MASP1: variants seen among roughly 807,000 people sequenced by gnomAD.
MASP1 encodes the protein mannan-binding lectin serine protease 1.
In MASP1, 59 loss-of-function variants were observed where a neutral mutation model predicts 77.1. The ratio of observed to expected loss-of-function variants is 0.77; its 90% CI spans 0.62 to 0.95. The LOEUF (loss-of-function observed/expected upper bound fraction) is 0.95, where lower values mean the gene tolerates loss of function less well. Among genes scored for constraint, MASP1 ranks in the 40% least tolerant of loss-of-function variants. The probability of loss-of-function intolerance (pLI) is 0.00; values close to 1 mark genes in which losing one functional copy is unlikely to be tolerated. For synonymous variants in MASP1, 362 were observed against 354.5 expected, an observed-to-expected ratio of 1.02 and a Z score of -0.24; for missense variants, 885 against 912.9, an observed-to-expected ratio of 0.97 and a Z score of 0.39.
chr3:187,291,662 G>C lies in MASP1; in HGVS notation c.-30C>G. The C allele has an allele frequency of 6.2e-7, 1 of 1,614,152 alleles. No individual in the cohort carries two copies. The highest frequency in any genetic ancestry group is 1.1e-5 in the South Asian group (1 of 91,086). On this transcript the variant is annotated 5_prime_UTR_variant, in exon 1 of 11. Coordinates refer to ENST00000296280, the MANE Select transcript of MASP1 (RefSeq NM_139125.4). The stretch of plus-strand genomic sequence containing the variant: ...CTGCCTTGGGTGCTCCCGGCTGCCC[G>C]GCCTTGGTCCTCCCAGCTTGACTTG...
At chr3:187,220,377 T>C (rs1426250533) in intron 15 of MASP1, 1 of 893,744 alleles carries the variant, frequency 1.1e-6, no homozygotes, top group Non-Finnish European at 1.7e-6. Flanking sequence ...TAGCAGACCG[T>C]TGGACCCAAA....
Position 187,221,806 on chromosome 3 carries a change from A to G in MASP1, c.1810-672T>C, listed in dbSNP as rs568064219. Among the ~76,000 whole-genome samples the G allele has an allele frequency of 3.3e-5, 5 of 152,322 alleles. No homozygotes were observed. The East Asian group carries it at 9.6e-4, about 29-fold the overall frequency. On this transcript the variant is annotated intron_variant, in intron 14 of 15. Coordinates refer to the MASP1 transcript ENST00000337774. ...TCTTACATTGCTTGGAGCTTAGTAG[A>G]TACCCAGAAAATATATATATTTTTT...
Position 187,241,582 on chromosome 3 carries a change from G to A in MASP1, c.1229-27C>T, listed in dbSNP as rs750009757. The stretch of plus-strand genomic sequence containing the variant: ...TGGATTAGTGAAAGAGGTTAGGAGA[G>A]GAGGGAGAAAATGGTTGATTTGTAA... On this transcript the variant is annotated intron_variant, in intron 9 of 10. Transcript: ENST00000296280. 7.4e-6 allele frequency: 11 copies of A among 1,484,700 alleles called. No individual in the cohort carries two copies. The African/African-American group carries it at 1.2e-4, about 17-fold the overall frequency. 92.0% of individuals were successfully genotyped at this position (1,484,700 alleles called of 1,614,324 possible). A position where few individuals can be genotyped will look rare whatever the true frequency, so the allele number is the denominator to read the frequency against.
chr3:187,256,379 G>A (rs977969507), intron 5 of MASP1, among the ~76,000 whole-genome samples: 6 of 152,206 alleles, frequency 3.9e-5, no homozygotes, highest in Admixed American at 6.5e-5. Context: ...CATGGGAGGC[G>A]TGCTCATGAG....
chr3:187,251,445 T>C (rs546162037), intron 7 of MASP1, 189 bp downstream of exon 7: 49 of 584,732 alleles, frequency 8.4e-5, no homozygotes, highest in Non-Finnish European at 1.1e-4. Context: ...TTTGTGCCAC[T>C]TTCAGAGTGT....
chr3:187,224,430 T>C (rs1712268221), intron 13 of MASP1, among the ~76,000 whole-genome samples: 1 of 142,884 alleles, frequency 7.0e-6, no homozygotes, highest in Admixed American at 7.2e-5. Context: ...CACTGCAAGC[T>C]CCGCCTCCCG....
chr3:187,224,328 C>A (rs77108436), intron 13 of MASP1, among the ~76,000 whole-genome samples: 4,488 of 151,096 alleles, frequency 0.03, 164 homozygotes, highest in East Asian at 0.12. Context: ...GGTGTTTGAG[C>A]CTGTGCTGAG....
chr3:187,240,316 C>A (rs1447436196), intron 10 of MASP1, among the ~76,000 whole-genome samples: 1 of 152,108 alleles, frequency 6.6e-6, no homozygotes, highest in Non-Finnish European at 1.5e-5. Context: ...CCAACACTCT[C>A]ATTCAGCAAA....
intron 4 of MASP1, 141 bp downstream of exon 4, chr3:187,260,600 C>A: frequency 8.5e-7 from 1 of 1,174,290 alleles, no homozygotes; most frequent in South Asian, 1.3e-5. Context: ...TCTGCATCTT[C>A]ATCCATGTGG....
intron 14 of MASP1, among the ~76,000 whole-genome samples, chr3:187,222,680 G>GT (rs60117293): frequency 0.037 from 5,230 of 139,880 alleles, 193 homozygotes; most frequent in African/African-American, 0.11. Flanking sequence ...TTAGTTAAGT[G>GT]TTTTTTTTTT....
intron 2 of MASP1, among the ~76,000 whole-genome samples, chr3:187,272,809 T>C (rs1364543625): frequency 6.6e-6 from 1 of 152,192 alleles, no homozygotes; most frequent in Non-Finnish European, 1.5e-5. Context: ...GAGAACAAAT[T>C]TCTGTTGTTA....
chr3:187,220,400 G>A, intron 15 of MASP1: 1 of 692,332 alleles, frequency 1.4e-6, no homozygotes, highest in South Asian at 1.8e-5. Flanking sequence ...TCAGCTCTGG[G>A]CAGTTCTAGG....
rs377265658 is a variant in MASP1 at position 187,236,100 on chromosome 3, C to G, written c.1771G>C (p.Ala591Pro). Residue 591 changes from alanine (A) to proline (P), a missense_variant, in exon 11 of 11, where the codon GCC becomes CCC. Transcript: ENST00000296280. ...GPAPHMLGLV[A>P]GWGISNPNVT... ...TTGGGATTGGAGATGCCCCAGCCGG[C>G]CACCAGGCCCAGCATGTGGGGGGCC... 4.3e-6 allele frequency: 7 copies of G among 1,613,864 alleles called. No individual in the cohort carries two copies. The highest frequency in any genetic ancestry group is 1.3e-5 in the African/African-American group (1 of 74,940).
At chr3:187,285,196 ATTGTTTTGATG>A (rs1717753013) in intron 2 of MASP1, among the ~76,000 whole-genome samples, 1 of 151,594 alleles carries the variant, frequency 6.6e-6, no homozygotes, top group Non-Finnish European at 1.5e-5. Context: ...TCCAGGGTAT[ATTGTTTTGATG>A]TGGTCCTGCT....
chr3:187,219,073 T>A (rs1711890575), exon 16 of MASP1: 3 of 152,348 alleles, frequency 2.0e-5, no homozygotes, highest in Admixed American at 2.0e-4. Flanking sequence ...ACTTTGCCTG[T>A]CCCATGTCCT....
chr3:187,267,607 G>A (rs970467692), intron 2 of MASP1, among the ~76,000 whole-genome samples: 1 of 152,160 alleles, frequency 6.6e-6, no homozygotes, highest in African/African-American at 2.4e-5. Flanking sequence ...CTCTGCACCC[G>A]GCTCTTTATA....
intron 2 of MASP1, among the ~76,000 whole-genome samples, chr3:187,272,672 G>A (rs1019247497): frequency 2.6e-5 from 4 of 152,090 alleles, no homozygotes; most frequent in South Asian, 4.1e-4. Context: ...TGCCAAAGAC[G>A]GCCCGCCTAC....
intron 8 of MASP1, among the ~76,000 whole-genome samples, chr3:187,246,136 C>T (rs1275872781): frequency 6.6e-6 from 1 of 152,212 alleles, no homozygotes; most frequent in Non-Finnish European, 1.5e-5. Flanking sequence ...GCTCTGGCCA[C>T]CCTGAAGTCC....
intron 2 of MASP1, chr3:187,276,537 C>T (rs968676993): frequency 6.6e-6 from 1 of 152,262 alleles, no homozygotes; most frequent in African/African-American, 2.4e-5. Flanking sequence ...TACTCAAGCA[C>T]AGAGATATGC....
Sources: allele counts gnomAD v4.1 joint callset (sites outside exome capture counted in the v4.1 genomes callset), GRCh38; gene constraint gnomAD v4.1.1; transcripts MANE v1.5; gene names NCBI Gene and HGNC (gene_info 2026-07-23, HGNC 2026-07-21).